Variants in GPATCH8 observed in about 807,000 individuals in gnomAD.
The protein encoded by GPATCH8 is G patch domain-containing protein 8.
In GPATCH8, 18 loss-of-function variants were observed where a neutral mutation model predicts 118.3. The ratio of observed to expected loss-of-function variants is 0.15; its 90% CI spans 0.11 to 0.23. The LOEUF (loss-of-function observed/expected upper bound fraction) is 0.23, where lower values mean the gene tolerates loss of function less well. Among genes scored for constraint, GPATCH8 ranks in the 10% least tolerant of loss-of-function variants. GPATCH8 has a pLI of 1.00. For synonymous variants in GPATCH8, 659 were observed against 684.7 expected (o/e 0.96, Z 0.59); for missense variants, 1,631 against 1,873.8 (o/e 0.87, Z 2.39).
chr17:44,419,952 T>C (rs1345063652), intron 6 of GPATCH8, among the ~76,000 whole-genome samples: 3 of 152,124 alleles, frequency 2.0e-5, no homozygotes, highest in Admixed American at 2.0e-4. Flanking sequence ...AACAGCAGTA[T>C]GAAGAAAGGT....
At chr17:44,471,152 A>G (rs960542787) in intron 2 of GPATCH8, among the ~76,000 whole-genome samples, 2 of 152,232 alleles carry the variant, frequency 1.3e-5, no homozygotes, top group Admixed American at 1.3e-4. Context: ...AATCTCATTG[A>G]AAGATATCTG....
Position 44,399,704 on chromosome 17 carries a change from T to C in GPATCH8, c.2373A>G (p.Pro791=). Residue 791 remains proline, a synonymous_variant, in exon 8 of 8, where the codon CCA becomes CCG. Coordinates refer to ENST00000591680, the MANE Select transcript of GPATCH8 (RefSeq NM_001002909.4). ...CTGCTCTTCGCTGGCAGGATGAAGG[T>C]GGAAGTTCACCTTTGTGTTTCCTCC... The part of the protein sequence containing the change: ...HGGRKHKGEL[P]PSSCQRRAGT... 1 of 1,613,968 alleles carries C rather than the reference T, an allele frequency of 6.2e-7. No homozygotes were observed. The highest frequency in any genetic ancestry group is 1.1e-5 in the South Asian group (1 of 91,068).
At chr17:44,446,416 A>C (rs1284133828) in intron 3 of GPATCH8, among the ~76,000 whole-genome samples, 1 of 152,120 alleles carries the variant, frequency 6.6e-6, no homozygotes, top group African/African-American at 2.4e-5. Flanking sequence ...AACACAAAAA[A>C]TTAGCCAGGC....
intron 6 of GPATCH8, among the ~76,000 whole-genome samples, chr17:44,421,329 G>A (rs1229897167): frequency 5.3e-5 from 8 of 151,256 alleles, no homozygotes; most frequent in Admixed American, 5.3e-4. Flanking sequence ...CAACAAGAGT[G>A]AAACTCCATC....
At chr17:44,456,492 A>G (rs1000046764) in intron 3 of GPATCH8, among the ~76,000 whole-genome samples, 1 of 152,164 alleles carries the variant, frequency 6.6e-6, no homozygotes, top group African/African-American at 2.4e-5. Flanking sequence ...TTTCTATTCT[A>G]TTCTTTTGAA....
At chr17:44,407,846 G>A (rs1036674443) in intron 6 of GPATCH8, among the ~76,000 whole-genome samples, 1 of 151,982 alleles carries the variant, frequency 6.6e-6, no homozygotes, top group South Asian at 2.1e-4. Flanking sequence ...TAGTAGAGAC[G>A]AGGTTTCACC....
chr17:44,484,501 G>A (rs754473666), intron 1 of GPATCH8, among the ~76,000 whole-genome samples: 2 of 152,082 alleles, frequency 1.3e-5, no homozygotes, highest in Non-Finnish European at 2.9e-5. Context: ...CAAAAAACAC[G>A]GGCAAACCAG....
intron 3 of GPATCH8, among the ~76,000 whole-genome samples, chr17:44,458,178 G>A (rs1449140055): frequency 2.0e-5 from 3 of 150,526 alleles, no homozygotes; most frequent in South Asian, 2.1e-4. Flanking sequence ...TTGAGCCCAG[G>A]AGATCAAGGC....
At chr17:44,479,307 T>C (rs1968025333) in intron 1 of GPATCH8, among the ~76,000 whole-genome samples, 1 of 152,254 alleles carries the variant, frequency 6.6e-6, no homozygotes, top group Non-Finnish European at 1.5e-5. Context: ...TACAAACTAC[T>C]GTCAGCAAAT....
intron 2 of GPATCH8, among the ~76,000 whole-genome samples, chr17:44,466,396 G>A (rs2051764848): frequency 6.6e-6 from 1 of 152,052 alleles, no homozygotes; most frequent in Admixed American, 6.6e-5. Flanking sequence ...AAATCATTAT[G>A]GTGCACAAAA....
rs140169145 is a variant in GPATCH8 at position 44,463,671 on chromosome 17, C to T, written c.193+801G>A. Among the ~76,000 whole-genome samples, 297 of 152,320 alleles carry T rather than the reference C, an allele frequency of 1.9e-3. 1 individual carries two copies. The highest frequency in any genetic ancestry group is 6.2e-3 in the African/African-American group (256 of 41,574). On this transcript the variant is annotated intron_variant, in intron 3 of 7. Coordinates refer to ENST00000591680, the MANE Select transcript of GPATCH8 (RefSeq NM_001002909.4). Reference sequence around the variant, plus strand: ...CTGGGATTACAGGCGTGAGCCACCGCGCCCGGCCAATTCCCATAATTTCTG... The same window carrying T: ...CTGGGATTACAGGCGTGAGCCACCGTGCCCGGCCAATTCCCATAATTTCTG...
intron 1 of GPATCH8, among the ~76,000 whole-genome samples, chr17:44,484,121 T>TGAGC (rs1968584874): frequency 6.6e-6 from 1 of 152,176 alleles, no homozygotes; most frequent in African/African-American, 2.4e-5. Flanking sequence ...ATTACAGGTG[T>TGAGC]GAGCCACCAT....
intron 5 of GPATCH8, among the ~76,000 whole-genome samples, chr17:44,429,536 G>A (rs572107232): frequency 6.6e-6 from 1 of 152,060 alleles, no homozygotes; most frequent in East Asian, 1.9e-4. Context: ...ACTAGGCCAC[G>A]TGGTGGCTCA....
Position 44,421,724 on chromosome 17 carries a change from T to C in GPATCH8, c.492+2625A>G, listed in dbSNP as rs142871380. On this transcript the variant is annotated intron_variant, in intron 6 of 7. Coordinates refer to ENST00000591680, the MANE Select transcript of GPATCH8 (RefSeq NM_001002909.4). ...ACTAGTGTGTAACCTTTCTTTCTTT[T>C]TCTTTTTTCTTTTTTTTTTTGAGAC... Among the ~76,000 whole-genome samples the C allele has an allele frequency of 8.7e-3, 1,295 of 149,084 alleles. 22 individuals carry two copies. Among genetic ancestry groups the C allele is most frequent in the African/African-American group, 0.031 (1,239 of 40,104 alleles).
intron 1 of GPATCH8, among the ~76,000 whole-genome samples, chr17:44,496,177 ACTT>A (rs1334122158): frequency 6.6e-6 from 1 of 151,960 alleles, no homozygotes; most frequent in East Asian, 1.9e-4. Context: ...GCCTACCTTT[ACTT>A]CTTCTATAGT....
At chr17:44,445,567 G>A (rs2050848620) in intron 3 of GPATCH8, among the ~76,000 whole-genome samples, 1 of 151,470 alleles carries the variant, frequency 6.6e-6, no homozygotes, top group East Asian at 1.9e-4. Flanking sequence ...GTGCAACAGC[G>A]CGATCTCGGC....
rs964865231 is a variant in GPATCH8 at position 44,398,693 on chromosome 17, T to C, written c.3384A>G (p.Gln1128=). 1.9e-6 allele frequency: 3 copies of C among 1,590,260 alleles called. No homozygotes were observed. Among genetic ancestry groups the C allele is most frequent in the Non-Finnish European group, 2.6e-6 (3 of 1,166,874 alleles). The change falls in exon 8 of 8, where the codon CAA becomes CAG. Residue 1128 remains glutamine, a synonymous_variant. Coordinates refer to ENST00000591680, the MANE Select transcript of GPATCH8 (RefSeq NM_001002909.4). Reference sequence around the variant, plus strand: ...GGGGGAGCTTGGGCCCAAAGTAACCTTGTGGGGGGTCCTTGAGCTTGGGCC... The same window carrying C: ...GGGGGAGCTTGGGCCCAAAGTAACCCTGTGGGGGGTCCTTGAGCTTGGGCC... ...KAGPKLKDPP[Q]GYFGPKLPPS... is the part of the protein sequence containing the mutation.
chr17:44,444,834 A>C (rs1350044891), intron 3 of GPATCH8, among the ~76,000 whole-genome samples: 1 of 152,204 alleles, frequency 6.6e-6, no homozygotes, highest in Non-Finnish European at 1.5e-5. Flanking sequence ...GTTTATATCC[A>C]TATCTGACAC....
intron 3 of GPATCH8, chr17:44,438,546 A>C (rs908006943): frequency 6.6e-6 from 1 of 152,184 alleles, no homozygotes; most frequent in Non-Finnish European, 1.5e-5. Flanking sequence ...CAAGTTGCAT[A>C]AGGAAAGGAA....
Sources: gnomAD v4.1 joint callset for allele counts (sites outside exome capture counted in the v4.1 genomes callset) on GRCh38, gnomAD v4.1.1 for gene constraint, MANE v1.5 for transcripts, NCBI Gene and HGNC (gene_info 2026-07-23, HGNC 2026-07-21) for gene names.